The following TTN variants were observed in gnomAD, a reference collection of about 807,000 sequenced individuals.
The protein encoded by TTN is titin.
TTN carries 1,525 observed loss-of-function variants against 3,223.0 expected under a neutral mutation model. The observed-to-expected ratio is 0.47, with a 90% CI of 0.45 to 0.49. The LOEUF is 0.49. TTN is among the 20% of genes least tolerant of loss of function. The pLI is 0.00. For missense variants in TTN, 40,786 were observed against 43,424.0 expected, an observed-to-expected ratio of 0.94 and a Z score of 5.40; for synonymous variants, 14,094 against 15,161.0, an observed-to-expected ratio of 0.93 and a Z score of 5.17.
At chr2:178,608,557 C>A in intron 274 of TTN, 49 bp downstream of exon 274, 1 of 1,581,064 alleles carries the variant, frequency 6.3e-7, no homozygotes. Flanking sequence ...TAATTATATA[C>A]CAAAGTACAT....
intron 24 of TTN, 159 bp downstream of exon 24, chr2:178,778,715 C>G: frequency 1.0e-6 from 1 of 1,004,272 alleles, no homozygotes; most frequent in East Asian, 2.6e-5. Context: ...TACACAGGGG[C>G]AAGAAATAAA....
chr2:178,611,734 T>G (rs568692120), intron 268 of TTN, 24 bp downstream of exon 268: 2 of 1,611,470 alleles, frequency 1.2e-6, no homozygotes, highest in African/African-American at 2.7e-5. Flanking sequence ...AGACAATATC[T>G]TGTGTATAAT....
rs727503633 is a variant in TTN at position 178,672,443 on chromosome 2, G to T, written c.34894C>A (p.Leu11632Ile). The change falls in exon 154 of 363, where the codon CTT (leucine) becomes ATT (isoleucine). Residue 11632 changes from leucine to isoleucine, a missense_variant. Physicochemically the swap from Leu to Ile is conservative, Grantham distance 5 (BLOSUM62 2). Coordinates refer to ENST00000589042, the MANE Select transcript of TTN (RefSeq NM_001267550.2). ...VPKKVPEKKV[L>I]VPKKEAVPPA... ...GGAACAGCTTCCTTTTTAGGCACAA[G>T]GACTTTCTTTTCTGGGACTTTCTTT... The T allele has an allele frequency of 1.3e-5, 21 of 1,597,284 alleles. No individual in the cohort carries two copies. In the South Asian group the frequency reaches 2.4e-4, roughly 18 times the overall value.
chr2:178,774,564 C>T, intron 29 of TTN, 91 bp from the exon 30 acceptor site: 1 of 1,264,810 alleles, frequency 7.9e-7, no homozygotes, highest in Non-Finnish European at 1.1e-6. Flanking sequence ...TGTCTTTTAT[C>T]TCCCCCATAC....
In TTN at chr2:178,702,673, T is replaced by A. The variant is rs575745940; in HGVS notation, c.30224-10A>T. ...AACTGAATTGGTTCAGCTGTTTAAG[T>A]ACAAAGAGGGTTCAAAGTTAGATTA... On this transcript the variant is annotated splice_polypyrimidine_tract_variant and intron_variant, in intron 106 of 362. Transcript: ENST00000589042. 4.4e-6 allele frequency: 7 copies of A among 1,607,874 alleles called. 1 individual carries two copies. In the South Asian group the frequency reaches 6.6e-5, roughly 15 times the overall value.
At position 178,664,711 on chromosome 2, in the gene TTN, G is replaced by C. The variant is rs1437532734; in HGVS notation, c.36145C>G (p.Pro12049Ala). Residue 12049 changes from proline (P) to alanine (A), a missense_variant, in exon 167 of 363, where the codon CCT becomes GCT. Pro to Ala is a conservative substitution (Grantham distance 27). Coordinates refer to ENST00000589042, the MANE Select transcript of TTN (RefSeq NM_001267550.2). ...KVPEALQEIV[P>A]EKKTLVVPLR... ...GGAACCACAAGCGTTTTCTTTTCAG[G>C]GACAATTTCTTGGAGAGCTTCAGGC... 1 of 1,612,188 alleles carries C rather than the reference G, an allele frequency of 6.2e-7. No homozygotes were observed. Among genetic ancestry groups the C allele is most frequent in the Non-Finnish European group, 8.5e-7 (1 of 1,179,612 alleles).
At position 178,635,694 on chromosome 2, in the gene TTN, A is replaced by G. The variant is rs199969810; in HGVS notation, c.41630T>C (p.Val13877Ala). ...KVVEVIRDWL[V>A]KPIRDQHVKP... ...CACATGCTGGTCTCGTATAGGTTTC[A>G]CCAGCCAATCTCTAATGACTTCTAT... The change falls in exon 227 of 363, where the codon GTG becomes GCG. Residue 13877 changes from valine to alanine, a missense_variant. Physicochemically the swap from Val to Ala is moderately conservative, Grantham distance 64 (BLOSUM62 0). Transcript: ENST00000589042. 6.3e-7 allele frequency: 1 copy of G among 1,598,162 alleles called. No homozygotes were observed. Among genetic ancestry groups the G allele is most frequent in the Admixed American group, 1.7e-5 (1 of 57,862 alleles).
rs1183478047 is a variant in TTN, at chr2:178,600,825, A to C, written c.56050+29T>G. The C allele has an allele frequency of 3.1e-6, 5 of 1,612,116 alleles. No individual in the cohort carries two copies. In the Admixed American group the frequency reaches 8.3e-5, roughly 27 times the overall value. Reference sequence around the variant, plus strand: ...ACCTAGGAAGGCAGCTGTAAGGAGGACATTCTTTGTCAGTACATTGGTACT... The same window carrying C: ...ACCTAGGAAGGCAGCTGTAAGGAGGCCATTCTTTGTCAGTACATTGGTACT... On this transcript the variant is annotated intron_variant, in intron 288 of 362. Coordinates refer to ENST00000589042, the MANE Select transcript of TTN (RefSeq NM_001267550.2).
chr2:178,783,195 G>A (rs1574776427), intron 17 of TTN, 131 bp from the exon 18 acceptor site: 1 of 885,960 alleles, frequency 1.1e-6, no homozygotes, highest in African/African-American at 1.7e-5. Flanking sequence ...CAGGACTCCA[G>A]AAATAGTAGT....
chr2:178,770,194 G>C lies in TTN; in HGVS notation c.8507C>G (p.Pro2836Arg), dbSNP rs1310170063. 1.2e-6 allele frequency: 2 copies of C among 1,614,084 alleles called. No individual in the cohort carries two copies. The highest frequency in any genetic ancestry group is 8.5e-7 in the Non-Finnish European group (1 of 1,179,992). The change falls in exon 36 of 363, where the codon CCA (proline) becomes CGA (arginine). Residue 2836 changes from proline to arginine, a missense_variant. Physicochemically the swap from Pro to Arg is moderately radical, Grantham distance 103 (BLOSUM62 -2). Transcript: ENST00000589042. The stretch of plus-strand genomic sequence containing the variant: ...TGAGACCAGTCTGTGTTTGTCACTT[G>C]GCTTAATTTCCACACTCTTATGGAA... ...KWFHKSVEIKPSDKHRLVSER... is the reference protein window; with the variant it reads ...KWFHKSVEIKRSDKHRLVSER...
intron 33 of TTN, chr2:178,772,836 T>A (rs996753262): frequency 6.3e-6 from 3 of 475,058 alleles, no homozygotes; most frequent in Non-Finnish European, 1.1e-5. Context: ...GAGGCACATA[T>A]AAAGTGATCC....
chr2:178,786,173 G>C, intron 13 of TTN, 32 bp from the exon 14 acceptor site: 1 of 1,609,696 alleles, frequency 6.2e-7, no homozygotes, highest in Non-Finnish European at 8.5e-7. Context: ...TTAATACATA[G>C]GAATATCGAG....
intron 47 of TTN, chr2:178,748,853 TTC>T: frequency 6.2e-7 from 1 of 1,612,330 alleles, no homozygotes; most frequent in Non-Finnish European, 8.5e-7. Context: ...TGGAGACATT[TTC>T]TCTGCCTGAT....
chr2:178,542,294 A>G lies in TTN; in HGVS notation c.97462T>C (p.Ser32488Pro). The change falls in exon 349 of 363, where the codon TCT becomes CCT. Residue 32488 changes from serine (S) to proline (P), a missense_variant. Physicochemically the swap from Ser to Pro is moderately conservative, Grantham distance 74. Transcript: ENST00000589042. ...NRFGIGSYLQ[S>P]EVIECRSSIR... ...CTGCTGCGACACTCTATGACCTCAG[A>G]CTGCAAGTAAGAGCCAATCCCGAAG... The G allele has an allele frequency of 6.2e-7, 1 of 1,611,528 alleles. No individual in the cohort carries two copies. Among genetic ancestry groups the G allele is most frequent in the East Asian group, 2.2e-5 (1 of 44,638 alleles).
Position 178,528,761 on chromosome 2 carries a change from T to A in TTN, c.106990A>T (p.Ile35664Phe), listed in dbSNP as rs781108499. The A allele has an allele frequency of 6.2e-7, 1 of 1,613,050 alleles. No homozygotes were observed. ...GVSGSDQTLT[I>F]KQASHRDEGI... ...TCATCTCTGTGACTGGCTTGCTTGA[T>A]GGTTAGGGTCTGATCGCTGCCTGAG... is the stretch of plus-strand genomic sequence containing the variant. The change falls in exon 360 of 363, where the codon ATC becomes TTC. Residue 35664 changes from isoleucine to phenylalanine, a missense_variant. Coordinates refer to ENST00000589042, the MANE Select transcript of TTN (RefSeq NM_001267550.2).
chr2:178,717,846 T>C (rs141303327), intron 86 of TTN, 36 bp from the exon 87 acceptor site: 1 of 1,580,814 alleles, frequency 6.3e-7, no homozygotes, highest in African/African-American at 1.4e-5. Context: ...TATTTACAGG[T>C]GAGAAGGCAT....
chr2:178,601,459 C>A lies in TTN; in HGVS notation c.55538G>T (p.Gly18513Val). 1 of 1,612,942 alleles carries A rather than the reference C, an allele frequency of 6.2e-7. No homozygotes were observed. Reference sequence around the variant, plus strand: ...AATAGTCCTCTTCTCAATAACATAGCCTTTGATCCTGTCTCCTCCATCGTC... The same window carrying A: ...AATAGTCCTCTTCTCAATAACATAGACTTTGATCCTGTCTCCTCCATCGTC... Reference protein sequence around the residue: ...PDDDGGDRIKGYVIEKRTIDG... With the variant: ...PDDDGGDRIKVYVIEKRTIDG... The change falls in exon 287 of 363, where the codon GGC becomes GTC. Residue 18513 changes from glycine to valine, a missense_variant. Physicochemically the swap from Gly to Val is moderately radical, Grantham distance 109. Transcript: ENST00000589042.
In TTN at chr2:178,555,308, T is replaced by G. The variant is rs1440473890; in HGVS notation, c.88307-156A>C. 10 of 712,892 alleles carry G rather than the reference T, an allele frequency of 1.4e-5. No homozygotes were observed. In the Admixed American group the frequency reaches 1.7e-4, roughly 12 times the overall value. The allele number at this position is 712,892 out of a possible 1,614,324, so 44.2% of individuals were successfully genotyped here. On this transcript the variant is annotated intron_variant, in intron 330 of 362. Transcript: ENST00000589042. ...CAATTATTATTTAAAAATTAAAAAT[T>G]TATAGGCCACTCTTCTATCTCAGAT...
Position 178,549,352 on chromosome 2 carries a change from T to C in TTN, c.92274A>G (p.Arg30758=). 2 of 1,613,906 alleles carry C rather than the reference T, an allele frequency of 1.2e-6. No homozygotes were observed. The highest frequency in any genetic ancestry group is 8.5e-7 in the Non-Finnish European group (1 of 1,179,826). ...CCCATCTTGTGCTTTTCTTTTCTCT[T>C]CTTTCAAGGATATACTGTTGAATTT... ...GSEIQQYILE[R]REKKSTRWVK... Residue 30758 remains arginine, a synonymous_variant, in exon 339 of 363, where the codon AGA becomes AGG. Coordinates refer to ENST00000589042, the MANE Select transcript of TTN (RefSeq NM_001267550.2).
Sources: allele counts gnomAD v4.1 joint callset, GRCh38; gene constraint gnomAD v4.1.1; transcripts MANE v1.5; gene names NCBI Gene and HGNC (gene_info 2026-07-23, HGNC 2026-07-21).